PAG1: variants seen among roughly 807,000 people sequenced by gnomAD.
The protein encoded by PAG1 is phosphoprotein associated with glycosphingolipid-enriched microdomains 1.
Under a neutral mutation model 31.7 loss-of-function variants are expected in PAG1, and 23 were observed. That is an observed-to-expected ratio of 0.73 (90% CI 0.52 to 1.03). PAG1 has a LOEUF of 1.03. PAG1 is among the 50% of genes least tolerant of loss of function. The probability of loss-of-function intolerance (pLI) is 0.00; values close to 1 mark genes in which losing one functional copy is unlikely to be tolerated. For synonymous variants in PAG1, 214 were observed against 210.3 expected (o/e 1.02, Z -0.15); for missense variants, 473 against 540.7 (o/e 0.87, Z 1.24).
At chr8:81,015,553 T>C (rs983737587) in intron 3 of PAG1, among the ~76,000 whole-genome samples, 1 of 108,808 alleles carries the variant, frequency 9.2e-6, no homozygotes, top group African/African-American at 2.6e-5. Context: ...ACTTGGAGGT[T>C]CATCTGATAT....
At chr8:81,002,100 G>A (rs1807795792) in intron 3 of PAG1, among the ~76,000 whole-genome samples, 2 of 152,136 alleles carry the variant, frequency 1.3e-5, no homozygotes, top group Non-Finnish European at 2.9e-5. Flanking sequence ...TGATGGATGT[G>A]GTGTCTACAG....
rs534154527 is a variant in PAG1, at chr8:80,969,504, T to A, written c.*7040A>T. ...AAGGAAATAGTTTGCTTTAAACTCATGGTTTCCAACTTGTTGAGTTAAAAA... is the reference window on the plus strand; with the variant it reads ...AAGGAAATAGTTTGCTTTAAACTCAAGGTTTCCAACTTGTTGAGTTAAAAA... On this transcript the variant is annotated 3_prime_UTR_variant, in exon 9 of 9. Coordinates refer to ENST00000220597, the MANE Select transcript of PAG1 (RefSeq NM_018440.4). The A allele has an allele frequency of 8.5e-5, 13 of 152,352 alleles. No homozygotes were observed. Among genetic ancestry groups the A allele is most frequent in the Admixed American group, 6.5e-4 (10 of 15,306 alleles). 9.4% of individuals were successfully genotyped at this position (152,352 alleles called of 1,614,324 possible). A position where few individuals can be genotyped will look rare whatever the true frequency, so the allele number is the denominator to read the frequency against.
chr8:81,061,073 C>A (rs1466942343), intron 2 of PAG1, among the ~76,000 whole-genome samples: 1 of 152,160 alleles, frequency 6.6e-6, no homozygotes, highest in Admixed American at 6.6e-5. Flanking sequence ...TAAAATACAG[C>A]CATTAGCAGA....
At chr8:81,082,073 C>T (rs572437202) in intron 1 of PAG1, among the ~76,000 whole-genome samples, 7 of 151,604 alleles carry the variant, frequency 4.6e-5, no homozygotes, top group Non-Finnish European at 8.8e-5. Context: ...GCCAACACAG[C>T]GAAACCCCAT....
intron 1 of PAG1, among the ~76,000 whole-genome samples, chr8:81,111,217 T>C (rs1184539369): frequency 6.6e-6 from 1 of 152,114 alleles, no homozygotes; most frequent in East Asian, 1.9e-4. Context: ...CAAAGATCCA[T>C]CGCAGTGCTG....
intron 3 of PAG1, among the ~76,000 whole-genome samples, chr8:81,022,839 C>T (rs548602609): frequency 6.6e-6 from 1 of 152,246 alleles, no homozygotes; most frequent in African/African-American, 2.4e-5. Flanking sequence ...CAAAGCACAG[C>T]AAGAACTGCT....
intron 3 of PAG1, among the ~76,000 whole-genome samples, chr8:80,995,775 A>G (rs1017457474): frequency 6.6e-6 from 1 of 152,206 alleles, no homozygotes; most frequent in African/African-American, 2.4e-5. Context: ...AATCGCCAAC[A>G]ACTCTCTCCT....
intron 2 of PAG1, among the ~76,000 whole-genome samples, chr8:81,052,375 C>A (rs1351512187): frequency 1.3e-5 from 2 of 152,066 alleles, no homozygotes; most frequent in African/African-American, 4.8e-5. Context: ...AGTTCAGTAG[C>A]CCCCACCACT....
intron 2 of PAG1, among the ~76,000 whole-genome samples, chr8:81,036,597 G>A (rs1487566887): frequency 6.6e-6 from 1 of 152,150 alleles, no homozygotes; most frequent in African/African-American, 2.4e-5. Flanking sequence ...GGTAGCCAAA[G>A]ACAATGCATA....
intron 3 of PAG1, among the ~76,000 whole-genome samples, chr8:81,006,240 G>C (rs925731090): frequency 1.3e-5 from 2 of 152,182 alleles, no homozygotes; most frequent in African/African-American, 4.8e-5. Context: ...ACCATGCCTG[G>C]CCAAGAATCT....
At chr8:81,053,167 G>A (rs1808760680) in intron 2 of PAG1, among the ~76,000 whole-genome samples, 1 of 152,122 alleles carries the variant, frequency 6.6e-6, no homozygotes, top group Non-Finnish European at 1.5e-5. Flanking sequence ...TTATTTGGAT[G>A]AACAAGAAAA....
chr8:81,079,662 T>A (rs893467497), intron 1 of PAG1, among the ~76,000 whole-genome samples: 2 of 152,108 alleles, frequency 1.3e-5, no homozygotes, highest in Admixed American at 6.6e-5. Flanking sequence ...GGGCCTTGAA[T>A]TGTAGAACTG....
At chr8:81,070,000 A>T (rs559816215) in intron 2 of PAG1, 112 bp downstream of exon 2, 55 of 152,354 alleles carry the variant, frequency 3.6e-4, no homozygotes, top group African/African-American at 1.3e-3. Flanking sequence ...TGCAGACTTA[A>T]CCCAAACAGA....
At chr8:81,014,715 CCT>C (rs1357789380) in intron 3 of PAG1, among the ~76,000 whole-genome samples, 5 of 152,016 alleles carry the variant, frequency 3.3e-5, no homozygotes, top group African/African-American at 1.2e-4. Flanking sequence ...AGAAGCTTCC[CCT>C]GTCACTCAGA....
intron 2 of PAG1, among the ~76,000 whole-genome samples, chr8:81,060,037 A>AT (rs55950824): frequency 1.7e-4 from 26 of 151,828 alleles, no homozygotes; most frequent in Non-Finnish European, 3.1e-4. Context: ...AAGCCTAAGT[A>AT]TTTTTTTAAC....
intron 3 of PAG1, among the ~76,000 whole-genome samples, chr8:80,995,685 A>G (rs7837092): frequency 0.03 from 4,605 of 152,346 alleles, 86 homozygotes; most frequent in African/African-American, 0.037. Context: ...ATGCCCATTT[A>G]TAAAATGCCA....
At chr8:81,059,963 C>T (rs556930878) in intron 2 of PAG1, among the ~76,000 whole-genome samples, 2 of 151,468 alleles carry the variant, frequency 1.3e-5, no homozygotes, top group South Asian at 2.1e-4. Context: ...GGTTGCAGTG[C>T]GCCGAGATTG....
chr8:80,991,350 G>T, intron 5 of PAG1, 129 bp downstream of exon 5: 1 of 727,340 alleles, frequency 1.4e-6, no homozygotes, highest in Non-Finnish European at 2.5e-6. Flanking sequence ...AGAAGCCACC[G>T]TTTAACTTAG....
At chr8:81,083,543 G>A (rs1227893267) in intron 1 of PAG1, among the ~76,000 whole-genome samples, 1 of 152,136 alleles carries the variant, frequency 6.6e-6, no homozygotes, top group Non-Finnish European at 1.5e-5. Context: ...ATCAGCTTTT[G>A]CTGGTAGGGT....
Sources: gnomAD v4.1 joint callset for allele counts (sites outside exome capture counted in the v4.1 genomes callset) on GRCh38, gnomAD v4.1.1 for gene constraint, MANE v1.5 for transcripts, NCBI Gene and HGNC (gene_info 2026-07-23, HGNC 2026-07-21) for gene names.